CA10: variants seen among roughly 807,000 people sequenced by gnomAD.
CA10 encodes the protein carbonic anhydrase 10 (inactive).
A neutral mutation model predicts 44.2 loss-of-function variants in CA10; 14 were observed. The observed-to-expected ratio is 0.32, with a 90% confidence interval of 0.21 to 0.50. The LOEUF (loss-of-function observed/expected upper bound fraction) is 0.50. CA10 is among the 20% of genes least tolerant of loss of function. CA10 has a pLI of 0.99. For synonymous variants in CA10, 159 were observed against 141.6 expected, an observed-to-expected ratio of 1.12 and a Z score of -0.87; for missense variants, 350 against 409.7, an observed-to-expected ratio of 0.85 and a Z score of 1.26.
intron 3 of CA10, among the ~76,000 whole-genome samples, chr17:51,828,902 A>T (rs1218427264): frequency 6.6e-6 from 1 of 152,266 alleles, no homozygotes; most frequent in Non-Finnish European, 1.5e-5. Flanking sequence ...GAGTTATGTT[A>T]AAATAGTGCA....
chr17:51,848,539 A>C (rs193296569), intron 3 of CA10, among the ~76,000 whole-genome samples: 2 of 152,362 alleles, frequency 1.3e-5, no homozygotes, highest in East Asian at 3.9e-4. Flanking sequence ...ATAAGCAAAC[A>C]AACATGTGCC....
At chr17:52,072,183 C>T in intron 2 of CA10, 136 bp downstream of exon 2, 2 of 598,764 alleles carry the variant, frequency 3.3e-6, no homozygotes, top group South Asian at 2.2e-5. Flanking sequence ...ACTTAACAAA[C>T]TTTGTCTTGA....
intron 4 of CA10, among the ~76,000 whole-genome samples, chr17:51,707,903 A>C (rs1332827393): frequency 6.6e-6 from 1 of 152,148 alleles, no homozygotes; most frequent in Non-Finnish European, 1.5e-5. Flanking sequence ...GTTGGGACAC[A>C]TGTTGGTCAA....
chr17:51,919,298 AAGG>A (rs1275859693), intron 3 of CA10, among the ~76,000 whole-genome samples: 1 of 152,192 alleles, frequency 6.6e-6, no homozygotes, highest in African/African-American at 2.4e-5. Context: ...TCAGGCTTAC[AAGG>A]AGTAGATCGA....
intron 2 of CA10, among the ~76,000 whole-genome samples, chr17:51,974,607 G>A (rs990708700): frequency 2.0e-5 from 3 of 151,996 alleles, no homozygotes. Context: ...AATGCTAGAA[G>A]GAGAAGAGAG....
intron 3 of CA10, among the ~76,000 whole-genome samples, chr17:51,751,756 T>C (rs965034288): frequency 1.7e-4 from 26 of 152,320 alleles, no homozygotes; most frequent in Admixed American, 3.3e-4. Context: ...CAAGATCATA[T>C]TGAAGGCCAT....
Position 51,775,030 on chromosome 17 carries a change from T to C in CA10, c.280-27212A>G, listed in dbSNP as rs192758860. 1.1e-4 allele frequency among the ~76,000 whole-genome samples: 17 copies of C among 152,208 alleles called. No homozygotes were observed. In the East Asian group the frequency reaches 3.1e-3, roughly 28 times the overall value. ...GGCCTTGGGAGACCATTGTTCCCCA[T>C]ACCTCCTGACTCATGACAAGGGACT... is the stretch of plus-strand genomic sequence containing the variant. On this transcript the variant is annotated intron_variant, in intron 3 of 8. Coordinates refer to ENST00000451037, the MANE Select transcript of CA10 (RefSeq NM_020178.5).
intron 3 of CA10, among the ~76,000 whole-genome samples, chr17:51,785,233 A>G (rs1317317825): frequency 6.6e-6 from 1 of 152,206 alleles, no homozygotes; most frequent in Non-Finnish European, 1.5e-5. Context: ...GCTGTTACAA[A>G]CATGAGAGTG....
At chr17:51,707,372 T>G (rs1270945969) in intron 4 of CA10, among the ~76,000 whole-genome samples, 1 of 152,216 alleles carries the variant, frequency 6.6e-6, no homozygotes, top group Non-Finnish European at 1.5e-5. Flanking sequence ...TTAGGCACTG[T>G]GACACATACT....
chr17:51,930,339 G>A (rs1982602361), intron 3 of CA10, among the ~76,000 whole-genome samples: 1 of 152,018 alleles, frequency 6.6e-6, no homozygotes, highest in Non-Finnish European at 1.5e-5. Context: ...GAACCAGCAA[G>A]AGAAGTGCTA....
chr17:52,127,433 G>T (rs1162389753), intron 1 of CA10, among the ~76,000 whole-genome samples: 1 of 152,072 alleles, frequency 6.6e-6, no homozygotes, highest in Non-Finnish European at 1.5e-5. Flanking sequence ...ATTTCTCCAG[G>T]GTATACACTG....
chr17:51,897,369 T>TG (rs879890363), intron 3 of CA10, among the ~76,000 whole-genome samples: 92 of 152,052 alleles, frequency 6.1e-4, no homozygotes, highest in Non-Finnish European at 2.8e-4. Context: ...GGAGATCAGA[T>TG]GGTTGTAGGT....
intron 3 of CA10, among the ~76,000 whole-genome samples, chr17:51,828,245 G>T (rs1567853343): frequency 6.6e-6 from 1 of 152,134 alleles, no homozygotes; most frequent in African/African-American, 2.4e-5. Flanking sequence ...TTTCGTGGAG[G>T]TTATATACAG....
intron 3 of CA10, among the ~76,000 whole-genome samples, chr17:51,833,920 C>T (rs1908378536): frequency 6.6e-6 from 1 of 152,122 alleles, no homozygotes; most frequent in Non-Finnish European, 1.5e-5. Context: ...AATTTAATTT[C>T]CACTGCCAAG....
intron 3 of CA10, among the ~76,000 whole-genome samples, chr17:51,788,153 A>G (rs1209382874): frequency 6.6e-6 from 1 of 152,078 alleles, no homozygotes; most frequent in African/African-American, 2.4e-5. Context: ...TGTTTCCATT[A>G]TCATTTGCTC....
chr17:52,152,980 C>T (rs1989734477), intron 1 of CA10, among the ~76,000 whole-genome samples: 1 of 152,084 alleles, frequency 6.6e-6, no homozygotes, highest in South Asian at 2.1e-4. Flanking sequence ...TCTATAATGG[C>T]TTGCTATCAT....
intron 2 of CA10, among the ~76,000 whole-genome samples, chr17:51,970,620 C>T (rs373617849): frequency 2.3e-4 from 35 of 151,992 alleles, no homozygotes; most frequent in African/African-American, 7.7e-4. Flanking sequence ...ACCATTAACT[C>T]GCATGAGATA....
chr17:52,043,095 G>A (rs1986817190), intron 2 of CA10, among the ~76,000 whole-genome samples: 1 of 151,980 alleles, frequency 6.6e-6, no homozygotes, highest in Non-Finnish European at 1.5e-5. Context: ...GTGGTTGTAT[G>A]TGAAATCTAG....
intron 4 of CA10, among the ~76,000 whole-genome samples, chr17:51,729,101 G>C (rs960960876): frequency 2.6e-5 from 4 of 152,024 alleles, no homozygotes; most frequent in Non-Finnish European, 5.9e-5. Flanking sequence ...CGTTCCACCA[G>C]AGGGAAAGCC....
Sources: gnomAD v4.1 joint callset for allele counts (sites outside exome capture counted in the v4.1 genomes callset) on GRCh38, gnomAD v4.1.1 for gene constraint, MANE v1.5 for transcripts, NCBI Gene and HGNC (gene_info 2026-07-23, HGNC 2026-07-21) for gene names.